ASIC2: variants seen among roughly 807,000 people sequenced by gnomAD.
ASIC2 encodes acid sensing ion channel subunit 2, also known as acid-sensing ion channel 2.
Under a neutral mutation model 57.3 loss-of-function variants are expected in ASIC2, and 25 were observed. The ratio of observed to expected loss-of-function variants is 0.44; its 90% CI spans 0.32 to 0.61. The LOEUF is 0.61. ASIC2 is among the 20% of genes least tolerant of loss of function. The pLI is 0.06. For missense variants in ASIC2, 641 were observed against 738.1 expected, an observed-to-expected ratio of 0.87 and a Z score of 1.52; for synonymous variants, 319 against 307.5, an observed-to-expected ratio of 1.04 and a Z score of -0.39.
chr17:34,096,810 T>C (rs1305848897), intron 1 of ASIC2, among the ~76,000 whole-genome samples: 4 of 119,092 alleles, frequency 3.4e-5, no homozygotes, highest in Admixed American at 1.2e-4. Context: ...TGAGCCGAGA[T>C]CATGCCACTG....
chr17:33,883,853 C>T (rs143642650), intron 1 of ASIC2, among the ~76,000 whole-genome samples: 13 of 152,238 alleles, frequency 8.5e-5, no homozygotes, highest in African/African-American at 3.1e-4. Flanking sequence ...TTATTGTAGT[C>T]AATGCACTGT....
intron 1 of ASIC2, among the ~76,000 whole-genome samples, chr17:34,148,181 A>T (rs888840265): frequency 9.2e-5 from 14 of 152,224 alleles, no homozygotes. Context: ...AGACACAGAC[A>T]TGCACATTCA....
At chr17:33,404,682 T>C (rs1910406107) in intron 1 of ASIC2, among the ~76,000 whole-genome samples, 1 of 152,240 alleles carries the variant, frequency 6.6e-6, no homozygotes, top group African/African-American at 2.4e-5. Context: ...CCATGCACTC[T>C]TCTGGGCTGT....
intron 1 of ASIC2, among the ~76,000 whole-genome samples, chr17:33,940,524 A>G (rs571507122): frequency 6.6e-6 from 1 of 151,712 alleles, no homozygotes; most frequent in South Asian, 2.1e-4. Flanking sequence ...TTCACTCCAC[A>G]TCCATCCCTT....
intron 1 of ASIC2, among the ~76,000 whole-genome samples, chr17:33,549,139 G>A (rs1165330688): frequency 6.6e-6 from 1 of 152,114 alleles, no homozygotes; most frequent in Non-Finnish European, 1.5e-5. Context: ...CAGTGCCCGG[G>A]ACATGGCAGG....
chr17:33,143,625 C>G (rs1904420781), intron 1 of ASIC2, among the ~76,000 whole-genome samples: 1 of 152,182 alleles, frequency 6.6e-6, no homozygotes, highest in South Asian at 2.1e-4. Flanking sequence ...CAGTCTATGT[C>G]TTTTTACTAG....
At chr17:33,164,730 C>G (rs1418054564) in intron 1 of ASIC2, among the ~76,000 whole-genome samples, 1 of 152,224 alleles carries the variant, frequency 6.6e-6, no homozygotes, top group African/African-American at 2.4e-5. Flanking sequence ...TCAAGAATTC[C>G]TTGGAGTCAG....
At chr17:33,887,732 T>C (rs1175775571) in intron 1 of ASIC2, among the ~76,000 whole-genome samples, 1 of 152,220 alleles carries the variant, frequency 6.6e-6, no homozygotes, top group Non-Finnish European at 1.5e-5. Flanking sequence ...TTTGATCACC[T>C]GTAGGCTCAG....
At chr17:33,122,554 T>C (rs2092307124) in intron 1 of ASIC2, among the ~76,000 whole-genome samples, 1 of 152,194 alleles carries the variant, frequency 6.6e-6, no homozygotes, top group East Asian at 1.9e-4. Flanking sequence ...GACGCATTTA[T>C]GAGGTATAAC....
At chr17:33,516,815 C>T (rs1467999691) in intron 1 of ASIC2, among the ~76,000 whole-genome samples, 1 of 152,202 alleles carries the variant, frequency 6.6e-6, no homozygotes, top group Non-Finnish European at 1.5e-5. Context: ...CCTCCCATGC[C>T]TGGGCTAGGT....
chr17:33,602,602 A>C (rs1216845054), intron 1 of ASIC2, among the ~76,000 whole-genome samples: 2 of 152,208 alleles, frequency 1.3e-5, no homozygotes, highest in Non-Finnish European at 2.9e-5. Flanking sequence ...CAAAATAAAT[A>C]GATGCCCCCA....
intron 1 of ASIC2, among the ~76,000 whole-genome samples, chr17:34,099,368 AAAG>A (rs1179325510): frequency 6.7e-6 from 1 of 149,252 alleles, no homozygotes; most frequent in Non-Finnish European, 1.5e-5. Context: ...GGAAGGAAGG[AAAG>A]AAAGAAAAAA....
intron 1 of ASIC2, among the ~76,000 whole-genome samples, chr17:33,890,863 T>C (rs1914944249): frequency 6.6e-6 from 1 of 152,002 alleles, no homozygotes; most frequent in Non-Finnish European, 1.5e-5. Context: ...CTGCAAATAC[T>C]GTCCTTCAGA....
chr17:33,201,469 C>T (rs1202463951), intron 1 of ASIC2, among the ~76,000 whole-genome samples: 1 of 152,164 alleles, frequency 6.6e-6, no homozygotes, highest in Non-Finnish European at 1.5e-5. Context: ...TGAGACGTGC[C>T]CACCAATGCC....
intron 1 of ASIC2, among the ~76,000 whole-genome samples, chr17:33,452,221 A>G (rs1912277373): frequency 6.6e-6 from 1 of 152,252 alleles, no homozygotes; most frequent in Non-Finnish European, 1.5e-5. Context: ...GAAGGAACCT[A>G]AACTTGGCTG....
chr17:33,662,668 T>TAAAAA (rs530248877), intron 1 of ASIC2, among the ~76,000 whole-genome samples: 1 of 128,054 alleles, frequency 7.8e-6, no homozygotes, highest in Non-Finnish European at 1.7e-5. Flanking sequence ...AATAAATAAA[T>TAAAAA]AAGTAAAATA....
chr17:33,114,728 G>T (rs2092273989), intron 1 of ASIC2, among the ~76,000 whole-genome samples: 1 of 152,186 alleles, frequency 6.6e-6, no homozygotes, highest in Non-Finnish European at 1.5e-5. Context: ...ATTGAAAAGG[G>T]TCTTAGAGAT....
chr17:34,013,616 G>A (rs2044037204), intron 1 of ASIC2, among the ~76,000 whole-genome samples: 1 of 152,214 alleles, frequency 6.6e-6, no homozygotes, highest in Non-Finnish European at 1.5e-5. Flanking sequence ...AGCCACTGAA[G>A]GCCTATTCCT....
intron 1 of ASIC2, among the ~76,000 whole-genome samples, chr17:33,880,295 CA>C (rs1236731711): frequency 1.3e-5 from 2 of 151,946 alleles, no homozygotes; most frequent in African/African-American, 4.8e-5. Flanking sequence ...AAAAACCCTT[CA>C]AAAAATCAAT....
Sources: gnomAD v4.1 joint callset for allele counts (sites outside exome capture counted in the v4.1 genomes callset) on GRCh38, gnomAD v4.1.1 for gene constraint, MANE v1.5 for transcripts, NCBI Gene and HGNC (gene_info 2026-07-23, HGNC 2026-07-21) for gene names.